The following ARHGAP44 variants were observed in gnomAD, a reference collection of about 807,000 sequenced individuals.
The protein encoded by ARHGAP44 is rho GTPase-activating protein 44.
A neutral mutation model predicts 106.8 loss-of-function variants in ARHGAP44; 43 were observed. The observed-to-expected ratio is 0.40, with a 90% confidence interval of 0.32 to 0.52. The LOEUF is 0.52. Among genes scored for constraint, ARHGAP44 ranks in the 20% least tolerant of loss-of-function variants. ARHGAP44 has a pLI of 0.48. For synonymous variants in ARHGAP44, 439 were observed against 410.3 expected (o/e 1.07, Z -0.85); for missense variants, 866 against 1,050.5 (o/e 0.82, Z 2.43).
At chr17:12,952,074 G>C (rs971821421) in intron 12 of ARHGAP44, among the ~76,000 whole-genome samples, 1 of 152,188 alleles carries the variant, frequency 6.6e-6, no homozygotes, top group African/African-American at 2.4e-5. Context: ...GGATTACCAG[G>C]ACAGTGCAAG....
At chr17:12,791,638 A>G (rs1042617660) in intron 1 of ARHGAP44, among the ~76,000 whole-genome samples, 2 of 152,090 alleles carry the variant, frequency 1.3e-5, no homozygotes, top group Non-Finnish European at 1.5e-5. Context: ...TTTTTGCGCC[A>G]TGGCATCATA....
chr17:12,935,656 G>A (rs1417227652), intron 7 of ARHGAP44, among the ~76,000 whole-genome samples: 1 of 152,002 alleles, frequency 6.6e-6, no homozygotes, highest in Non-Finnish European at 1.5e-5. Context: ...AAGTGGAAAG[G>A]GAACTGAATG....
At chr17:12,876,259 C>T (rs1394699014) in intron 1 of ARHGAP44, among the ~76,000 whole-genome samples, 2 of 152,290 alleles carry the variant, frequency 1.3e-5, no homozygotes, top group African/African-American at 4.8e-5. Flanking sequence ...ACCTGTTCGG[C>T]TTGCTTACCT....
intron 6 of ARHGAP44, among the ~76,000 whole-genome samples, chr17:12,920,259 C>G (rs2038038281): frequency 6.8e-6 from 1 of 146,984 alleles, no homozygotes; most frequent in Admixed American, 6.7e-5. Context: ...GCCTGTAGTC[C>G]CAGCTACTTG....
At chr17:12,807,473 G>A (rs1232571342) in intron 1 of ARHGAP44, among the ~76,000 whole-genome samples, 1 of 152,182 alleles carries the variant, frequency 6.6e-6, no homozygotes, top group East Asian at 1.9e-4. Context: ...GGCTGGGGAG[G>A]CCTCACAATC....
chr17:12,887,945 T>C (rs1404597185), intron 1 of ARHGAP44, among the ~76,000 whole-genome samples: 2 of 152,014 alleles, frequency 1.3e-5, no homozygotes, highest in African/African-American at 4.8e-5. Flanking sequence ...AGGCATCCTT[T>C]TGATTTCTGC....
At chr17:12,806,882 AG>A (rs1312175169) in intron 1 of ARHGAP44, among the ~76,000 whole-genome samples, 1 of 152,336 alleles carries the variant, frequency 6.6e-6, no homozygotes, top group Admixed American at 6.5e-5. Context: ...CTCTGTTGAT[AG>A]GGGGTAAGAG....
chr17:12,912,335 A>G (rs2037761988), intron 4 of ARHGAP44, among the ~76,000 whole-genome samples: 1 of 152,136 alleles, frequency 6.6e-6, no homozygotes, highest in African/African-American at 2.4e-5. Context: ...TTGGGAAGAT[A>G]AATATGAAGA....
In ARHGAP44 at chr17:12,865,019, GA is replaced by G. The variant is rs549057954; in HGVS notation, c.54-29920del. 7.6e-3 allele frequency among the ~76,000 whole-genome samples: 1,157 copies of G among 152,236 alleles called. 10 individuals carry two copies. Among genetic ancestry groups the G allele is most frequent in the Non-Finnish European group, 0.013 (855 of 68,006 alleles). ...AACAAGAGTGCCTCGAGGAGAAAAAGAGCTAGAGAGAAGAAGAATAATAGTT... is the reference window on the plus strand; with the variant it reads ...AACAAGAGTGCCTCGAGGAGAAAAAGGCTAGAGAGAAGAAGAATAATAGTT... On this transcript the variant is annotated intron_variant, in intron 1 of 20. Coordinates refer to ENST00000379672, the MANE Select transcript of ARHGAP44 (RefSeq NM_014859.6).
chr17:12,841,546 C>T (rs1341417069), intron 1 of ARHGAP44, among the ~76,000 whole-genome samples: 1 of 149,956 alleles, frequency 6.7e-6, no homozygotes, highest in Non-Finnish European at 1.5e-5. Context: ...TGAACCACTG[C>T]ACTCCAGCCT....
At position 12,896,496 on chromosome 17, in the gene ARHGAP44, G is replaced by A. The variant is rs1369953350; in HGVS notation, c.183G>A (p.Glu61=). The change falls in exon 3 of 21, where the codon GAG becomes GAA. Residue 61 remains glutamate, a synonymous_variant. Transcript: ENST00000379672. The part of the protein sequence containing the change: ...TACLQGQQGA[E]ADKRSKKLPL... ...GTCTGCAGGGCCAGCAAGGGGCAGA[G>A]GCTGACAAGCGCTCCGTAAGTGCCC... 1 of 1,605,204 alleles carries A rather than the reference G, an allele frequency of 6.2e-7. No individual in the cohort carries two copies. Among genetic ancestry groups the A allele is most frequent in the Non-Finnish European group, 8.5e-7 (1 of 1,176,298 alleles).
At chr17:12,919,364 A>G (rs931346193) in intron 5 of ARHGAP44, among the ~76,000 whole-genome samples, 1 of 151,688 alleles carries the variant, frequency 6.6e-6, no homozygotes, top group African/African-American at 2.4e-5. Context: ...GTGACTTCCA[A>G]TAGTTCTTTA....
chr17:12,939,468 A>T (rs564526872), intron 7 of ARHGAP44, among the ~76,000 whole-genome samples: 9 of 149,752 alleles, frequency 6.0e-5, no homozygotes, highest in African/African-American at 1.2e-4. Context: ...TTTATTTTTT[A>T]TTTTTTTTTT....
intron 7 of ARHGAP44, among the ~76,000 whole-genome samples, chr17:12,931,978 T>C (rs1156971751): frequency 1.3e-5 from 2 of 152,160 alleles, no homozygotes; most frequent in Admixed American, 6.5e-5. Context: ...ACAATAAATA[T>C]ATACTTATAT....
At chr17:12,797,407 CATT>C (rs1413158645) in intron 1 of ARHGAP44, among the ~76,000 whole-genome samples, 1 of 152,150 alleles carries the variant, frequency 6.6e-6, no homozygotes, top group Non-Finnish European at 1.5e-5. Context: ...GTATCATCAT[CATT>C]GTGTACTAAA....
chr17:12,928,239 T>C (rs2038301688), intron 6 of ARHGAP44, among the ~76,000 whole-genome samples: 1 of 152,210 alleles, frequency 6.6e-6, no homozygotes, highest in African/African-American at 2.4e-5. Context: ...AGATTTGTTT[T>C]TAATCTTACC....
At chr17:12,863,037 C>G (rs545762902) in intron 1 of ARHGAP44, among the ~76,000 whole-genome samples, 13 of 151,834 alleles carry the variant, frequency 8.6e-5, no homozygotes, top group African/African-American at 3.1e-4. Flanking sequence ...GCTATAATCC[C>G]AGCACTTTGG....
chr17:12,847,709 G>A (rs1028581487), intron 1 of ARHGAP44, among the ~76,000 whole-genome samples: 1 of 151,614 alleles, frequency 6.6e-6, no homozygotes, highest in Admixed American at 6.6e-5. Flanking sequence ...AGTAGAGACG[G>A]GGTTTCACCG....
At chr17:12,815,314 G>A (rs144841309) in intron 1 of ARHGAP44, among the ~76,000 whole-genome samples, 19 of 152,138 alleles carry the variant, frequency 1.2e-4, no homozygotes, top group Middle Eastern at 3.4e-3. Context: ...ATTCCGCCTC[G>A]CACTTATTCT....
Sources: gnomAD v4.1 joint callset for allele counts (sites outside exome capture counted in the v4.1 genomes callset) on GRCh38, gnomAD v4.1.1 for gene constraint, MANE v1.5 for transcripts, NCBI Gene and HGNC (gene_info 2026-07-23, HGNC 2026-07-21) for gene names.